The following CASK variants were observed in gnomAD, a reference collection of about 807,000 sequenced individuals.
CASK encodes the protein peripheral plasma membrane protein CASK.
A neutral mutation model predicts 82.9 loss-of-function variants in CASK; 4 were observed. That is an observed-to-expected ratio of 0.05 (90% CI 0.02 to 0.11). CASK has a LOEUF of 0.11. CASK is among the 10% of genes least tolerant of loss of function. CASK has a pLI of 1.00. For synonymous variants in CASK, 259 were observed against 253.5 expected, an observed-to-expected ratio of 1.02 and a Z score of -0.20; for missense variants, 358 against 720.9, an observed-to-expected ratio of 0.50 and a Z score of 5.76.
At chrX:41,881,116 CT>C (rs1006028635) in intron 1 of CASK, among the ~76,000 whole-genome samples, 3 of 111,571 alleles carry the variant, frequency 2.7e-5, no homozygotes, top group African/African-American at 9.8e-5. Flanking sequence ...TATACTTCCC[CT>C]GGTCTAATTC....
At chrX:41,851,109 C>T (rs149200187) in intron 2 of CASK, among the ~76,000 whole-genome samples, 1,160 of 111,784 alleles carry the variant, frequency 0.01, 16 homozygotes, top group African/African-American at 0.036. Context: ...TAAACTCCGA[C>T]CAAAATCAGA....
At chrX:41,688,481 G>A (rs750909180) in intron 5 of CASK, among the ~76,000 whole-genome samples, 2 of 111,535 alleles carry the variant, frequency 1.8e-5, no homozygotes, top group Non-Finnish European at 3.8e-5. Context: ...TAATTTGCTC[G>A]GGAGAGTTTA....
At chrX:41,829,285 A>G in intron 2 of CASK, among the ~76,000 whole-genome samples, 1 of 110,596 alleles carries the variant, frequency 9.0e-6, no homozygotes, top group Non-Finnish European at 1.9e-5. Flanking sequence ...CCTCCCATTC[A>G]CTACCTTCCC....
intron 2 of CASK, chrX:41,790,096 A>G (rs2069684470): frequency 2.4e-6 from 1 of 421,070 alleles, no homozygotes; most frequent in African/African-American, 2.8e-5. Context: ...TGCCTGGCTA[A>G]TTTTTTGCAT....
chrX:41,610,767 C>G (rs1247230247), intron 11 of CASK, among the ~76,000 whole-genome samples: 1 of 111,362 alleles, frequency 9.0e-6, no homozygotes, highest in Non-Finnish European at 1.9e-5. Flanking sequence ...AACCAGGAAA[C>G]CAGGCAGATG....
chrX:41,725,344 C>G (rs1475587273), intron 5 of CASK, among the ~76,000 whole-genome samples: 1 of 110,804 alleles, frequency 9.0e-6, no homozygotes, highest in Non-Finnish European at 1.9e-5. Context: ...TAAATCAAAC[C>G]ATAATTCTGA....
At chrX:41,520,657 A>G (rs1255910005) in intron 26 of CASK, 61 bp from the exon 27 acceptor site, 3 of 954,558 alleles carry the variant, frequency 3.1e-6, no homozygotes, top group Non-Finnish European at 4.5e-6. Context: ...CAAACAGAAG[A>G]GAGAAATCAG....
At chrX:41,620,585 C>T (rs964657233) in intron 11 of CASK, among the ~76,000 whole-genome samples, 68 of 112,112 alleles carry the variant, frequency 6.1e-4, no homozygotes, top group African/African-American at 2.2e-3. Flanking sequence ...AGTTAAAAGT[C>T]GCCATTTAAG....
chrX:41,578,617 C>G, intron 14 of CASK, 89 bp from the exon 15 acceptor site: 2 of 687,928 alleles, frequency 2.9e-6, no homozygotes, highest in South Asian at 2.6e-5. Flanking sequence ...GAGACAGGGT[C>G]TCACTCTGTC....
At chrX:41,563,433 T>C (rs1168218022) in intron 16 of CASK, among the ~76,000 whole-genome samples, 19 of 49,402 alleles carry the variant, frequency 3.8e-4, no homozygotes, top group African/African-American at 1.4e-3. Context: ...CCAAAACCAA[T>C]AGAAAGTTAA....
intron 5 of CASK, among the ~76,000 whole-genome samples, chrX:41,684,775 GGTGTGAGCCACT>G (rs2067415060): frequency 8.9e-6 from 1 of 111,963 alleles, no homozygotes; most frequent in East Asian, 2.8e-4. Flanking sequence ...TGGGATTACA[GGTGTGAGCCACT>G]GTGCCCGGTT....
At chrX:41,749,923 G>C (rs1424719793) in intron 3 of CASK, among the ~76,000 whole-genome samples, 1 of 110,455 alleles carries the variant, frequency 9.1e-6, no homozygotes, top group Non-Finnish European at 1.9e-5. Context: ...TTTATTATTA[G>C]GCTTTTTCCC....
chrX:41,738,958 A>G, intron 5 of CASK, among the ~76,000 whole-genome samples: 1 of 112,439 alleles, frequency 8.9e-6, no homozygotes, highest in South Asian at 3.7e-4. Context: ...CTATATTTAA[A>G]AACTATCTGC....
chrX:41,836,806 C>T (rs1259952811), intron 2 of CASK, among the ~76,000 whole-genome samples: 1 of 111,732 alleles, frequency 8.9e-6, no homozygotes, highest in Non-Finnish European at 1.9e-5. Flanking sequence ...AATGATGACA[C>T]TAAGAAAATG....
Position 41,853,893 on chromosome X carries a change from T to C in CASK, c.60-666A>G, listed in dbSNP as rs145597496. On this transcript the variant is annotated intron_variant, in intron 1 of 26. Transcript: ENST00000378163. ...ACAGTCCAAGTCAAGAACCAAAATA[T>C]ATAAGTAACTTGTAAATACAATAAG... 8.3e-3 allele frequency among the ~76,000 whole-genome samples: 921 copies of C among 111,288 alleles called. 6 individuals carry two copies. Among genetic ancestry groups the C allele is most frequent in the African/African-American group, 0.028 (869 of 30,627 alleles).
intron 2 of CASK, among the ~76,000 whole-genome samples, chrX:41,830,775 G>C (rs368245201): frequency 6.1e-5 from 6 of 98,808 alleles, no homozygotes; most frequent in East Asian, 3.1e-4. Flanking sequence ...AGCCGAGATC[G>C]CGCCACTGCA....
chrX:41,811,883 G>C (rs1182385813), intron 2 of CASK, among the ~76,000 whole-genome samples: 1 of 110,866 alleles, frequency 9.0e-6, no homozygotes, highest in East Asian at 2.8e-4. Flanking sequence ...TCAAATAGAC[G>C]CAATAAAAAA....
intron 24 of CASK, 117 bp downstream of exon 24, chrX:41,534,589 T>C: frequency 3.5e-6 from 2 of 576,462 alleles, no homozygotes; most frequent in Non-Finnish European, 5.6e-6. Context: ...TTTTTGATTT[T>C]ACAAATTTCC....
chrX:41,662,264 A>G (rs2067046127), intron 7 of CASK, among the ~76,000 whole-genome samples: 2 of 111,801 alleles, frequency 1.8e-5, no homozygotes, highest in African/African-American at 6.5e-5. Context: ...CACTTCTTAT[A>G]TATGGTTTGG....
Sources: gnomAD v4.1 joint callset for allele counts (sites outside exome capture counted in the v4.1 genomes callset) on GRCh38, gnomAD v4.1.1 for gene constraint, MANE v1.5 for transcripts, NCBI Gene and HGNC (gene_info 2026-07-23, HGNC 2026-07-21) for gene names.